Variants in GMDS observed in about 807,000 individuals in gnomAD.
GMDS encodes the protein GDP-mannose 4,6-dehydratase, also known as GDP-mannose 4,6 dehydratase.
GMDS carries 20 observed loss-of-function variants against 49.9 expected under a neutral mutation model. The observed-to-expected ratio is 0.40, with a 90% CI of 0.28 to 0.58. The LOEUF (loss-of-function observed/expected upper bound fraction) is 0.58, where lower values mean the gene tolerates loss of function less well. Among genes scored for constraint, GMDS ranks in the 20% least tolerant of loss-of-function variants. The pLI is 0.42. For missense variants in GMDS, 362 were observed against 481.4 expected, an observed-to-expected ratio of 0.75 and a Z score of 2.32; for synonymous variants, 177 against 178.6, an observed-to-expected ratio of 0.99 and a Z score of 0.07.
At chr6:1,842,674 G>C (rs1171285913) in intron 7 of GMDS, among the ~76,000 whole-genome samples, 8 of 152,162 alleles carry the variant, frequency 5.3e-5, no homozygotes, top group Admixed American at 5.2e-4. Context: ...CATTTTTTAA[G>C]GTTAAAGCCA....
intron 7 of GMDS, among the ~76,000 whole-genome samples, chr6:1,926,043 C>T (rs1581372229): frequency 6.6e-6 from 1 of 152,174 alleles, no homozygotes; most frequent in African/African-American, 2.4e-5. Context: ...GAGCTCCAGC[C>T]ACTGAGAGAC....
At chr6:2,181,982 A>G (rs1778563910) in intron 1 of GMDS, among the ~76,000 whole-genome samples, 1 of 152,240 alleles carries the variant, frequency 6.6e-6, no homozygotes, top group South Asian at 2.1e-4. Flanking sequence ...CTTGCACCAA[A>G]CAGTTAGCTT....
chr6:1,888,138 T>TA (rs200522342), intron 7 of GMDS, among the ~76,000 whole-genome samples: 8,311 of 141,502 alleles, frequency 0.059, 292 homozygotes, highest in East Asian at 0.16. Flanking sequence ...ATTATTATTT[T>TA]TTTTTTTTTT....
At chr6:1,873,469 T>C (rs1305002463) in intron 7 of GMDS, among the ~76,000 whole-genome samples, 2 of 152,188 alleles carry the variant, frequency 1.3e-5, no homozygotes, top group African/African-American at 4.8e-5. Context: ...GAAGGATGCC[T>C]ATATTGGGGC....
intron 7 of GMDS, among the ~76,000 whole-genome samples, chr6:1,781,928 A>T (rs764990943): frequency 6.6e-6 from 1 of 151,882 alleles, no homozygotes; most frequent in African/African-American, 2.4e-5. Context: ...GAGCAGGAGT[A>T]AAGTGGGCTA....
At chr6:1,677,554 C>T (rs909173363) in intron 9 of GMDS, among the ~76,000 whole-genome samples, 1 of 151,982 alleles carries the variant, frequency 6.6e-6, no homozygotes, top group Admixed American at 6.6e-5. Context: ...CCCAAATGTC[C>T]ATCAATGATA....
intron 1 of GMDS, among the ~76,000 whole-genome samples, chr6:2,138,962 G>A (rs112732275): frequency 7.9e-5 from 12 of 152,150 alleles, no homozygotes; most frequent in African/African-American, 2.6e-4. Context: ...TACTCACTCC[G>A]CAACAGTAGT....
At position 1,865,204 on chromosome 6, in the gene GMDS, A is replaced by G. The variant is rs546107598; in HGVS notation, c.771+64899T>C. Among the ~76,000 whole-genome samples, 6 of 152,328 alleles carry G rather than the reference A, an allele frequency of 3.9e-5. No individual in the cohort carries two copies. The Middle Eastern group carries it at 0.014, about 345-fold the overall frequency. ...TCAATTAAGTTTTCTTGAGAACTTT[A>G]TCCTCTTCATTTTGTCCTTAATTAT... On this transcript the variant is annotated intron_variant, in intron 7 of 10. Coordinates refer to ENST00000380815, the MANE Select transcript of GMDS (RefSeq NM_001500.4).
chr6:1,953,620 T>A (rs1406806064), intron 6 of GMDS, among the ~76,000 whole-genome samples: 3 of 152,224 alleles, frequency 2.0e-5, no homozygotes, highest in Non-Finnish European at 4.4e-5. Context: ...ACTGGTTACA[T>A]TACATATGTG....
intron 4 of GMDS, among the ~76,000 whole-genome samples, chr6:2,114,702 G>A (rs977603102): frequency 3.9e-5 from 6 of 152,138 alleles, no homozygotes; most frequent in Non-Finnish European, 8.8e-5. Flanking sequence ...GTTAACATTT[G>A]AAAGAAATAC....
intron 7 of GMDS, among the ~76,000 whole-genome samples, chr6:1,829,703 A>T (rs1264757568): frequency 6.6e-6 from 1 of 152,136 alleles, no homozygotes; most frequent in African/African-American, 2.4e-5. Flanking sequence ...GCCTCCCAAA[A>T]TGCAGGGATT....
intron 4 of GMDS, among the ~76,000 whole-genome samples, chr6:2,000,258 A>G (rs1471380653): frequency 3.3e-5 from 5 of 150,244 alleles, no homozygotes; most frequent in Admixed American, 2.7e-4. Context: ...GATGGTCTCC[A>G]TCTCCTGACC....
At chr6:2,068,674 A>C (rs540683515) in intron 4 of GMDS, among the ~76,000 whole-genome samples, 11 of 152,308 alleles carry the variant, frequency 7.2e-5, no homozygotes, top group Non-Finnish European at 1.0e-4. Flanking sequence ...CAATTGCTTC[A>C]AAGAGAATAA....
chr6:1,684,052 G>A (rs990927174), intron 9 of GMDS, among the ~76,000 whole-genome samples: 4 of 67,114 alleles, frequency 6.0e-5, no homozygotes, highest in Non-Finnish European at 1.5e-4. Context: ...AGCTATGAGG[G>A]TGGGTTTTGC....
intron 1 of GMDS, among the ~76,000 whole-genome samples, chr6:2,152,462 A>G (rs935197597): frequency 2.6e-5 from 4 of 152,146 alleles, no homozygotes; most frequent in Non-Finnish European, 4.4e-5. Flanking sequence ...TTTAAAAATG[A>G]TAACATTCAA....
At position 1,876,498 on chromosome 6, in the gene GMDS, G is replaced by A. The variant is rs370581721; in HGVS notation, c.771+53605C>T. ...AAACTTATGCCCAGGTTGTCAGGAGGCTGTGCTCTTTGGCTGGTAGAAAAG... is the reference window on the plus strand; with the variant it reads ...AAACTTATGCCCAGGTTGTCAGGAGACTGTGCTCTTTGGCTGGTAGAAAAG... On this transcript the variant is annotated intron_variant, in intron 7 of 10. Transcript: ENST00000380815. Among the ~76,000 whole-genome samples, 11 of 152,294 alleles carry A rather than the reference G, an allele frequency of 7.2e-5. No individual in the cohort carries two copies. In the East Asian group the frequency reaches 2.1e-3, roughly 29 times the overall value.
At chr6:1,779,406 A>ACT (rs542335698) in intron 7 of GMDS, among the ~76,000 whole-genome samples, 152 of 152,194 alleles carry the variant, frequency 1.0e-3, no homozygotes, top group African/African-American at 3.4e-3. Context: ...ACAGCCTGGG[A>ACT]CTCTACCTGG....
chr6:1,849,534 C>A (rs2113762485), intron 7 of GMDS, among the ~76,000 whole-genome samples: 1 of 152,286 alleles, frequency 6.6e-6, no homozygotes, highest in African/African-American at 2.4e-5. Context: ...AGTTTGCTGA[C>A]TTGCTAATAA....
rs149381092 is a variant in GMDS at position 1,968,437 on chromosome 6, C to T, written c.346-7471G>A. Among the ~76,000 whole-genome samples, 988 of 152,308 alleles carry T rather than the reference C, an allele frequency of 6.5e-3. 5 individuals are homozygous for T. The highest frequency in any genetic ancestry group is 0.01 in the Non-Finnish European group (713 of 68,024). ...AGAAGCACAGCAAGTAACATTCCAG[C>T]TCCTGAAGCCAGGATCTTTGATGAT... is the stretch of plus-strand genomic sequence containing the variant. On this transcript the variant is annotated intron_variant, in intron 4 of 10. Coordinates refer to ENST00000380815, the MANE Select transcript of GMDS (RefSeq NM_001500.4).
Sources: gnomAD v4.1 joint callset for allele counts (sites outside exome capture counted in the v4.1 genomes callset) on GRCh38, gnomAD v4.1.1 for gene constraint, MANE v1.5 for transcripts, NCBI Gene and HGNC (gene_info 2026-07-23, HGNC 2026-07-21) for gene names.